DAAM2: variants seen among roughly 807,000 people sequenced by gnomAD.
The protein encoded by DAAM2 is dishevelled associated activator of morphogenesis 2, also known as disheveled-associated activator of morphogenesis 2.
Under a neutral mutation model 120.7 loss-of-function variants are expected in DAAM2, and 39 were observed. The ratio of observed to expected loss-of-function variants is 0.32; its 90% CI spans 0.25 to 0.42. The LOEUF (loss-of-function observed/expected upper bound fraction) is 0.42, where lower values mean the gene tolerates loss of function less well. Ranked by LOEUF, DAAM2 falls within the 10% of genes least tolerant of loss-of-function variation. The pLI, the probability that DAAM2 is intolerant of heterozygous loss-of-function variation, is 1.00. For missense variants in DAAM2, 1,283 were observed against 1,401.7 expected, an observed-to-expected ratio of 0.92 and a Z score of 1.35; for synonymous variants, 488 against 524.9, an observed-to-expected ratio of 0.93 and a Z score of 0.96.
At chr6:39,832,075 G>A (rs984948059) in intron 1 of DAAM2, among the ~76,000 whole-genome samples, 68 of 149,870 alleles carry the variant, frequency 4.5e-4, no homozygotes, top group African/African-American at 1.6e-3. Context: ...TGAGGGAGTA[G>A]GTGCACTGGG....
rs886807714 is a variant in DAAM2 at position 39,889,049 on chromosome 6, G to T, written c.2145+286G>T. The T allele has an allele frequency of 2.2e-5, 5 of 231,700 alleles. No homozygotes were observed. In the Admixed American group the frequency reaches 2.6e-4, roughly 12 times the overall value. 14.4% of individuals were successfully genotyped at this position (231,700 alleles called of 1,614,324 possible). A position where few individuals can be genotyped will look rare whatever the true frequency, so the allele number is the denominator to read the frequency against. The stretch of plus-strand genomic sequence containing the variant: ...TCCCTCTCAGTTTTTTGGATCCTTT[G>T]GGAAACCTAGAAAACACACAAAGAA... On this transcript the variant is annotated intron_variant, in intron 17 of 24. Coordinates refer to ENST00000274867, the MANE Select transcript of DAAM2 (RefSeq NM_001201427.2).
intron 9 of DAAM2, among the ~76,000 whole-genome samples, chr6:39,871,851 G>A (rs1413812376): frequency 6.6e-6 from 1 of 152,224 alleles, no homozygotes; most frequent in Non-Finnish European, 1.5e-5. Flanking sequence ...CGGAGTTATT[G>A]CATGGAGAAA....
At chr6:39,879,543 A>G in intron 14 of DAAM2, 66 bp downstream of exon 14, 1 of 1,601,904 alleles carries the variant, frequency 6.2e-7, no homozygotes, top group Non-Finnish European at 8.6e-7. Flanking sequence ...CTCAGGGACC[A>G]CCCGCCCCTT....
chr6:39,795,798 C>G (rs1761682049), intron 1 of DAAM2, among the ~76,000 whole-genome samples: 1 of 152,154 alleles, frequency 6.6e-6, no homozygotes, highest in South Asian at 2.1e-4. Context: ...GTCCATTATC[C>G]TGAAGTGTGG....
rs1011743155 is a variant in DAAM2, at chr6:39,901,534, C to G, written c.2982+62C>G. On this transcript the variant is annotated intron_variant, in intron 24 of 24. Transcript: ENST00000274867. The surrounding 1 kb of genome is among the most constrained non-coding windows in gnomAD (Gnocchi z 4.5). ...CGGGTGCTACTTGGGGAGAACACCC[C>G]CAAACTGGGGTGTGTGGGAGGAGGG... The G allele has an allele frequency of 2.0e-6, 3 of 1,537,122 alleles. No individual in the cohort carries two copies. Among genetic ancestry groups the G allele is most frequent in the Non-Finnish European group, 1.8e-6 (2 of 1,140,796 alleles).
At chr6:39,844,833 C>G (rs1475543449) in intron 1 of DAAM2, among the ~76,000 whole-genome samples, 1 of 151,666 alleles carries the variant, frequency 6.6e-6, no homozygotes, top group Admixed American at 6.6e-5. Flanking sequence ...GAAGTCGGTA[C>G]AAGCATGTGT....
intron 1 of DAAM2, among the ~76,000 whole-genome samples, chr6:39,832,177 G>A (rs542108303): frequency 6.6e-6 from 1 of 152,098 alleles, no homozygotes; most frequent in Admixed American, 6.5e-5. Flanking sequence ...AAAGGGTAGA[G>A]GGGCCGACAG....
rs774194361 is a variant in DAAM2, at chr6:39,901,293, C to T, written c.2812-9C>T. The stretch of plus-strand genomic sequence containing the variant: ...CACTCTCCACCAATCCTGTTCTGTC[C>T]CTTGACAGTTCGCCAAGGCCTTGAT... On this transcript the variant is annotated splice_polypyrimidine_tract_variant and intron_variant, in intron 23 of 24. Coordinates refer to ENST00000274867, the MANE Select transcript of DAAM2 (RefSeq NM_001201427.2). This position sits in a 1 kb window ranked among gnomAD's most constrained non-coding sequence, Gnocchi z 4.5. 7 of 1,611,614 alleles carry T rather than the reference C, an allele frequency of 4.3e-6. No homozygotes were observed. Among genetic ancestry groups the T allele is most frequent in the Admixed American group, 1.7e-5 (1 of 59,916 alleles).
intron 1 of DAAM2, among the ~76,000 whole-genome samples, chr6:39,838,339 A>G (rs747260618): frequency 2.6e-5 from 4 of 152,212 alleles, no homozygotes; most frequent in Non-Finnish European, 4.4e-5. Flanking sequence ...TATTATTGCT[A>G]TTATTATTGA....
intron 19 of DAAM2, among the ~76,000 whole-genome samples, chr6:39,893,933 G>T (rs1459603420): frequency 2.6e-5 from 4 of 152,186 alleles, no homozygotes; most frequent in African/African-American, 9.6e-5. Flanking sequence ...TCCCCAGCAG[G>T]GGCTCTGAGT....
intron 1 of DAAM2, among the ~76,000 whole-genome samples, chr6:39,846,038 T>C (rs772943112): frequency 1.9e-4 from 29 of 152,096 alleles, no homozygotes; most frequent in Non-Finnish European, 3.8e-4. Context: ...GTTTGGAGCC[T>C]GGTATTTGGG....
intron 5 of DAAM2, chr6:39,867,295 G>T: frequency 1.7e-6 from 1 of 574,018 alleles, no homozygotes; most frequent in Non-Finnish European, 3.1e-6. Context: ...AACTGACAAT[G>T]ATATGCAAAT....
In DAAM2 at chr6:39,901,978, T is replaced by C. The variant is rs1317856441; in HGVS notation, c.3148T>C (p.Ser1050Pro). The C allele has an allele frequency of 1.5e-5, 24 of 1,612,164 alleles. No homozygotes were observed. Among genetic ancestry groups the C allele is most frequent in the Non-Finnish European group, 2.0e-5 (23 of 1,178,530 alleles). The change falls in exon 25 of 25, where the codon TCA becomes CCA. Residue 1050 changes from serine (S) to proline (P), a missense_variant. Physicochemically the swap from Ser to Pro is moderately conservative, Grantham distance 74 (BLOSUM62 -1). Coordinates refer to ENST00000274867, the MANE Select transcript of DAAM2 (RefSeq NM_001201427.2). This position sits in a 1 kb window ranked among gnomAD's most constrained non-coding sequence, Gnocchi z 4.5. ...CAAGCTCAAGCGCAGCCGCAAGCGA[T>C]CAGGGAGCCAGGCCCTGGAAGTTAC... ...LCKLKRSRKR[S>P]GSQALEVTRE... is the part of the protein sequence containing the mutation.
intron 6 of DAAM2, 148 bp downstream of exon 6, chr6:39,867,991 G>A: frequency 2.8e-6 from 2 of 703,738 alleles, no homozygotes; most frequent in Non-Finnish European, 4.7e-6. Flanking sequence ...GGTAACAGGT[G>A]AAGAGTACTG....
Position 39,902,799 on chromosome 6 carries a change from A to G in DAAM2, c.*762A>G, listed in dbSNP as rs1562071691. ...CCTTGGGTTTCCACAGCTATGGCTC[A>G]CTACCAGGTGCTTGATGAATCTGGC... On this transcript the variant is annotated 3_prime_UTR_variant, in exon 25 of 25. Coordinates refer to ENST00000274867, the MANE Select transcript of DAAM2 (RefSeq NM_001201427.2). 6.6e-6 allele frequency: 1 copy of G among 152,334 alleles called. No individual in the cohort carries two copies. Among genetic ancestry groups the G allele is most frequent in the Non-Finnish European group, 1.5e-5 (1 of 68,158 alleles). The allele number at this position is 152,334 out of a possible 1,614,324, so 9.4% of individuals were successfully genotyped here.
rs181609852 is a variant in DAAM2 at position 39,895,849 on chromosome 6, T to A, written c.2342-963T>A. 3.7e-3 allele frequency among the ~76,000 whole-genome samples: 558 copies of A among 152,318 alleles called. 1 individual carries two copies. The highest frequency in any genetic ancestry group is 6.0e-3 in the Non-Finnish European group (409 of 68,014). On this transcript the variant is annotated intron_variant, in intron 19 of 24. Coordinates refer to ENST00000274867, the MANE Select transcript of DAAM2 (RefSeq NM_001201427.2). ...GCTTAGTTTGTATTTCTGGCAAAGATAACATTTAGAGCATTGGGGGAAAAT... is the reference window on the plus strand; with the variant it reads ...GCTTAGTTTGTATTTCTGGCAAAGAAAACATTTAGAGCATTGGGGGAAAAT...
intron 1 of DAAM2, among the ~76,000 whole-genome samples, chr6:39,804,522 C>CTGTGTGTGTGTG (rs10688621): frequency 8.7e-5 from 13 of 149,450 alleles, no homozygotes; most frequent in East Asian, 7.9e-4. Flanking sequence ...GAGATCAGTT[C>CTGTGTGTGTGTG]TGTGTGTGTG....
intron 1 of DAAM2, among the ~76,000 whole-genome samples, chr6:39,807,952 A>G (rs1217693440): frequency 6.6e-6 from 1 of 152,240 alleles, no homozygotes; most frequent in Non-Finnish European, 1.5e-5. Flanking sequence ...AAGAGTGAAC[A>G]GGAAGCTGTC....
At chr6:39,851,713 G>A (rs1288977181) in intron 1 of DAAM2, among the ~76,000 whole-genome samples, 1 of 152,244 alleles carries the variant, frequency 6.6e-6, no homozygotes, top group Admixed American at 6.5e-5. Context: ...GAAGCGCTCA[G>A]TACAGGCAGA....
Sources: allele counts gnomAD v4.1 joint callset (sites outside exome capture counted in the v4.1 genomes callset), GRCh38; gene constraint gnomAD v4.1.1; non-coding constraint Gnocchi (gnomAD v3.1); transcripts MANE v1.5; gene names NCBI Gene and HGNC (gene_info 2026-07-23, HGNC 2026-07-21).